Variants in BTBD9 observed in about 807,000 individuals in gnomAD.
BTBD9 encodes BTB domain containing 9, also known as BTB/POZ domain-containing protein 9.
In BTBD9, 49 loss-of-function variants were observed where a neutral mutation model predicts 64.3. The ratio of observed to expected loss-of-function variants is 0.76; its 90% CI spans 0.61 to 0.97. The LOEUF (loss-of-function observed/expected upper bound fraction) is 0.97. Ranked by LOEUF, BTBD9 falls within the 50% of genes least tolerant of loss-of-function variation. The pLI, the probability that BTBD9 is intolerant of heterozygous loss-of-function variation, is 0.00. For synonymous variants in BTBD9, 260 were observed against 274.7 expected, an observed-to-expected ratio of 0.95 and a Z score of 0.53; for missense variants, 598 against 762.1, an observed-to-expected ratio of 0.78 and a Z score of 2.53.
At chr6:38,393,435 T>G (rs1354577103) in intron 6 of BTBD9, among the ~76,000 whole-genome samples, 4 of 152,150 alleles carry the variant, frequency 2.6e-5, no homozygotes, top group Non-Finnish European at 5.9e-5. Flanking sequence ...TAGGTCAATT[T>G]TCTCTTAAAT....
At chr6:38,590,248 AC>A (rs1173361449) in intron 4 of BTBD9, among the ~76,000 whole-genome samples, 1 of 152,234 alleles carries the variant, frequency 6.6e-6, no homozygotes, top group Non-Finnish European at 1.5e-5. Context: ...ACACAGATAT[AC>A]ACAGAAAAAA....
intron 1 of BTBD9, among the ~76,000 whole-genome samples, chr6:38,598,526 C>T (rs189631768): frequency 1.3e-5 from 2 of 152,272 alleles, no homozygotes; most frequent in Non-Finnish European, 1.5e-5. Flanking sequence ...GTCATTCAGG[C>T]ACCGATCTAG....
At chr6:38,529,421 C>T (rs1207444151) in intron 6 of BTBD9, among the ~76,000 whole-genome samples, 1 of 152,176 alleles carries the variant, frequency 6.6e-6, no homozygotes, top group Non-Finnish European at 1.5e-5. Flanking sequence ...GCTGCAGTGA[C>T]CAAAGACTTA....
rs1197642502 is a variant in BTBD9 at position 38,174,005 on chromosome 6, T to G, written c.*980A>C. On this transcript the variant is annotated 3_prime_UTR_variant, in exon 11 of 11. Transcript: ENST00000481247. The stretch of plus-strand genomic sequence containing the variant: ...GGAAGCACGGAGTCCCAGTTCTGCG[T>G]TCCTGACGCTGATGGGCAGGTGGCT... 1 of 152,268 alleles carries G rather than the reference T, an allele frequency of 6.6e-6. No homozygotes were observed. Among genetic ancestry groups the G allele is most frequent in the Non-Finnish European group, 1.5e-5 (1 of 68,062 alleles). 9.4% of individuals were successfully genotyped at this position (152,268 alleles called of 1,614,324 possible).
chr6:38,195,662 T>C (rs1186024824), intron 9 of BTBD9, among the ~76,000 whole-genome samples: 1 of 152,144 alleles, frequency 6.6e-6, no homozygotes, highest in East Asian at 1.9e-4. Context: ...TAGAATGAGG[T>C]CCCAATTATG....
chr6:38,544,183 C>T (rs1774420683), intron 6 of BTBD9, among the ~76,000 whole-genome samples: 1 of 151,938 alleles, frequency 6.6e-6, no homozygotes, highest in African/African-American at 2.4e-5. Flanking sequence ...TAGTATTCAC[C>T]TCATATTAGG....
At chr6:38,300,301 A>G (rs915475406) in intron 7 of BTBD9, among the ~76,000 whole-genome samples, 1 of 152,184 alleles carries the variant, frequency 6.6e-6, no homozygotes, top group Non-Finnish European at 1.5e-5. Flanking sequence ...TGATGCCTCC[A>G]GCTTTGTTCT....
At chr6:38,540,559 TATAA>T (rs1391997188) in intron 6 of BTBD9, among the ~76,000 whole-genome samples, 1 of 152,228 alleles carries the variant, frequency 6.6e-6, no homozygotes, top group East Asian at 1.9e-4. Context: ...ACTTACATGG[TATAA>T]AAGTAGACAC....
intron 8 of BTBD9, among the ~76,000 whole-genome samples, chr6:38,258,675 G>A (rs934500173): frequency 1.3e-5 from 2 of 152,200 alleles, no homozygotes; most frequent in Admixed American, 6.5e-5. Flanking sequence ...TGGATCATGA[G>A]ATCTGGAGAT....
intron 6 of BTBD9, among the ~76,000 whole-genome samples, chr6:38,501,980 GA>G (rs1772222396): frequency 6.6e-6 from 1 of 152,118 alleles, no homozygotes; most frequent in Non-Finnish European, 1.5e-5. Context: ...CAATTTTTAA[GA>G]GAATAAAGGG....
chr6:38,537,468 G>T (rs1015681868), intron 6 of BTBD9, among the ~76,000 whole-genome samples: 2 of 152,184 alleles, frequency 1.3e-5, no homozygotes, highest in African/African-American at 4.8e-5. Flanking sequence ...CTGCAGGGCA[G>T]GAAACAATTC....
chr6:38,581,112 A>T (rs112758774), intron 4 of BTBD9, among the ~76,000 whole-genome samples: 11,865 of 152,254 alleles, frequency 0.078, 1,094 homozygotes, highest in East Asian at 0.24. Context: ...GAATCACTTG[A>T]ACCTGGGAGG....
At chr6:38,268,101 T>A (rs1436486527) in intron 8 of BTBD9, among the ~76,000 whole-genome samples, 1 of 152,220 alleles carries the variant, frequency 6.6e-6, no homozygotes, top group African/African-American at 2.4e-5. Context: ...TAGAATGAAT[T>A]ATGTTTCAAT....
At chr6:38,428,113 G>C (rs1379006924) in intron 6 of BTBD9, among the ~76,000 whole-genome samples, 1 of 151,918 alleles carries the variant, frequency 6.6e-6, no homozygotes, top group Non-Finnish European at 1.5e-5. Flanking sequence ...AGCTTTTTGG[G>C]TGAGGGGGAT....
intron 6 of BTBD9, among the ~76,000 whole-genome samples, chr6:38,483,532 C>A (rs1034742229): frequency 1.3e-5 from 2 of 152,018 alleles, no homozygotes; most frequent in Admixed American, 6.6e-5. Flanking sequence ...CTGGTTTAAA[C>A]CCTTCTATGG....
At chr6:38,338,793 G>T (rs1237403614) in intron 7 of BTBD9, among the ~76,000 whole-genome samples, 3 of 152,070 alleles carry the variant, frequency 2.0e-5, no homozygotes, top group Non-Finnish European at 4.4e-5. Flanking sequence ...TCACCTAGAA[G>T]ACTCATAAGA....
intron 6 of BTBD9, among the ~76,000 whole-genome samples, chr6:38,422,283 C>CTG (rs1423801488): frequency 1.3e-5 from 2 of 152,180 alleles, no homozygotes; most frequent in African/African-American, 4.8e-5. Flanking sequence ...TAGCAAGCTA[C>CTG]TGTAAAATGA....
chr6:38,388,675 T>C (rs1434943781), intron 6 of BTBD9, among the ~76,000 whole-genome samples: 1 of 152,232 alleles, frequency 6.6e-6, no homozygotes, highest in Non-Finnish European at 1.5e-5. Flanking sequence ...GTGTTGAAAA[T>C]GACAGTGTCC....
At chr6:38,552,877 G>C (rs375295448) in intron 6 of BTBD9, among the ~76,000 whole-genome samples, 1 of 152,026 alleles carries the variant, frequency 6.6e-6, no homozygotes, top group Non-Finnish European at 1.5e-5. Context: ...TGTATGCATG[G>C]GGGATTGGTT....
Sources: gnomAD v4.1 joint callset for allele counts (sites outside exome capture counted in the v4.1 genomes callset) on GRCh38, gnomAD v4.1.1 for gene constraint, MANE v1.5 for transcripts, NCBI Gene and HGNC (gene_info 2026-07-23, HGNC 2026-07-21) for gene names.